NRXN3: variants seen among roughly 807,000 people sequenced by gnomAD.
NRXN3 encodes the protein neurexin 3.
NRXN3 carries 32 observed loss-of-function variants against 137.6 expected under a neutral mutation model. The ratio of observed to expected loss-of-function variants is 0.23; its 90% CI spans 0.18 to 0.31. NRXN3 has a LOEUF of 0.31. NRXN3 is among the 10% of genes least tolerant of loss of function. The probability of loss-of-function intolerance (pLI) is 1.00; values close to 1 mark genes in which losing one functional copy is unlikely to be tolerated. For synonymous variants in NRXN3, 798 were observed against 784.5 expected, an observed-to-expected ratio of 1.02 and a Z score of -0.29; for missense variants, 1,574 against 2,062.5, an observed-to-expected ratio of 0.76 and a Z score of 4.59.
chr14:78,943,441 G>A (rs1254934756), intron 10 of NRXN3, among the ~76,000 whole-genome samples: 1 of 150,626 alleles, frequency 6.6e-6, no homozygotes, highest in Admixed American at 6.7e-5. Context: ...TGAAGTCTGG[G>A]GGGAGAAGCA....
chr14:79,708,519 A>G (rs147092567), intron 19 of NRXN3, among the ~76,000 whole-genome samples: 37 of 150,962 alleles, frequency 2.5e-4, no homozygotes, highest in African/African-American at 8.8e-4. Flanking sequence ...TTCTGAAAAT[A>G]TATGATGTTC....
chr14:78,758,003 G>A (rs1308968316), intron 8 of NRXN3, among the ~76,000 whole-genome samples: 1 of 152,170 alleles, frequency 6.6e-6, no homozygotes, highest in Non-Finnish European at 1.5e-5. Flanking sequence ...ATTATTTTCA[G>A]GAAAGCACCC....
At chr14:79,076,980 C>T (rs1447004108) in intron 15 of NRXN3, among the ~76,000 whole-genome samples, 2 of 150,840 alleles carry the variant, frequency 1.3e-5, no homozygotes, top group Admixed American at 6.6e-5. Flanking sequence ...AACAAAGAGT[C>T]TCTCTGTTCC....
intron 10 of NRXN3, among the ~76,000 whole-genome samples, chr14:78,956,233 C>T (rs1597865503): frequency 1.3e-5 from 2 of 152,314 alleles, no homozygotes; most frequent in African/African-American, 2.4e-5. Flanking sequence ...CTACAAAGAG[C>T]AAACTTGGTC....
chr14:79,396,947 G>A (rs2095044583), intron 15 of NRXN3, among the ~76,000 whole-genome samples: 1 of 151,980 alleles, frequency 6.6e-6, no homozygotes, highest in Non-Finnish European at 1.5e-5. Context: ...CTACCTTCAG[G>A]GAATAAAATA....
chr14:78,873,956 G>C (rs148454412), intron 10 of NRXN3, among the ~76,000 whole-genome samples: 1 of 151,012 alleles, frequency 6.6e-6, no homozygotes, highest in African/African-American at 2.5e-5. Flanking sequence ...GGCACCATGT[G>C]AAGTGATTTT....
intron 16 of NRXN3, chr14:79,572,973 G>A (rs567813614): frequency 9.2e-5 from 14 of 152,290 alleles, no homozygotes; most frequent in African/African-American, 3.4e-4. Context: ...TGAAGTAAGA[G>A]GAGACTCAAG....
At position 79,535,686 on chromosome 14, in the gene NRXN3, G is replaced by C. The variant is rs141248964; in HGVS notation, c.3444+68284G>C. On this transcript the variant is annotated intron_variant, in intron 16 of 20. Coordinates refer to ENST00000335750, the MANE Select transcript of NRXN3 (RefSeq NM_001330195.2). ...CCCTCAGAGCAATCATGTGGTGAAA[G>C]GTATCCATCAGTATCACTTGAGGAA... is the stretch of plus-strand genomic sequence containing the variant. 5.9e-4 allele frequency among the ~76,000 whole-genome samples: 90 copies of C among 152,222 alleles called. 1 individual carries two copies. Among genetic ancestry groups the C allele is most frequent in the African/African-American group, 2.1e-3 (89 of 41,538 alleles).
intron 15 of NRXN3, among the ~76,000 whole-genome samples, chr14:78,996,571 G>A (rs2099530544): frequency 6.6e-6 from 1 of 152,104 alleles, no homozygotes; most frequent in Admixed American, 6.6e-5. Context: ...ATTCTTTTGG[G>A]GGGGATGCTA....
chr14:79,471,385 T>C (rs1358644599), intron 16 of NRXN3, among the ~76,000 whole-genome samples: 1 of 152,206 alleles, frequency 6.6e-6, no homozygotes, highest in East Asian at 1.9e-4. Flanking sequence ...TGAGGTTTTG[T>C]GAACGTGCAC....
intron 4 of NRXN3, among the ~76,000 whole-genome samples, chr14:78,455,792 C>G (rs936193707): frequency 6.6e-6 from 1 of 152,158 alleles, no homozygotes; most frequent in African/African-American, 2.4e-5. Flanking sequence ...GTGGGCATTA[C>G]TCACCCTCTT....
At chr14:79,594,778 G>A (rs1009550148) in intron 16 of NRXN3, among the ~76,000 whole-genome samples, 14 of 152,022 alleles carry the variant, frequency 9.2e-5, no homozygotes, top group Non-Finnish European at 2.9e-5. Flanking sequence ...TTCAGTCCTC[G>A]GGGGTTTGCA....
chr14:78,278,180 G>A (rs750925535), intron 2 of NRXN3, among the ~76,000 whole-genome samples: 8 of 152,308 alleles, frequency 5.3e-5, no homozygotes, highest in Non-Finnish European at 1.0e-4. Flanking sequence ...TGTTTCTCAA[G>A]GGAGTGGTTC....
intron 16 of NRXN3, among the ~76,000 whole-genome samples, chr14:79,623,849 G>GTTCT (rs2098251197): frequency 1.0e-5 from 1 of 98,026 alleles, no homozygotes. Context: ...CTTAGCTCCT[G>GTTCT]TTTTTTTTTT....
intron 4 of NRXN3, among the ~76,000 whole-genome samples, chr14:78,440,843 C>T (rs1459358023): frequency 6.6e-6 from 1 of 152,106 alleles, no homozygotes; most frequent in African/African-American, 2.4e-5. Context: ...GCTCCCATCT[C>T]ATCGATTTGC....
At chr14:79,011,309 G>T (rs1042502245) in intron 15 of NRXN3, among the ~76,000 whole-genome samples, 3 of 151,358 alleles carry the variant, frequency 2.0e-5, no homozygotes, top group East Asian at 3.9e-4. Flanking sequence ...TTTCTATTTT[G>T]CCCACTAGGT....
At chr14:78,413,477 G>C (rs1027145856) in intron 4 of NRXN3, among the ~76,000 whole-genome samples, 2 of 152,226 alleles carry the variant, frequency 1.3e-5, no homozygotes, top group East Asian at 1.9e-4. Flanking sequence ...TAGAGACGAG[G>C]TTTCTCCATG....
intron 14 of NRXN3, among the ~76,000 whole-genome samples, chr14:78,975,786 C>A (rs1013830541): frequency 1.3e-5 from 2 of 152,174 alleles, no homozygotes; most frequent in African/African-American, 4.8e-5. Context: ...GCTGCACACA[C>A]CCTCTCCACT....
intron 4 of NRXN3, among the ~76,000 whole-genome samples, chr14:78,501,023 T>G (rs558817010): frequency 2.6e-5 from 4 of 152,298 alleles, no homozygotes; most frequent in Admixed American, 1.3e-4. Context: ...ATCAAGCCTT[T>G]CTTATTGCCC....
Sources: gnomAD v4.1 joint callset for allele counts (sites outside exome capture counted in the v4.1 genomes callset) on GRCh38, gnomAD v4.1.1 for gene constraint, MANE v1.5 for transcripts, NCBI Gene and HGNC (gene_info 2026-07-23, HGNC 2026-07-21) for gene names.